PRKN: variants seen among roughly 807,000 people sequenced by gnomAD.
PRKN encodes parkin RBR E3 ubiquitin protein ligase, also known as E3 ubiquitin-protein ligase parkin.
A neutral mutation model predicts 59.5 loss-of-function variants in PRKN; 56 were observed. That is an observed-to-expected ratio of 0.94 (90% confidence interval 0.76 to 1.18). The LOEUF is 1.18. Ranked by LOEUF, PRKN falls within the 50% of genes most tolerant of loss-of-function variation. PRKN has a pLI of 0.00. For synonymous variants in PRKN, 250 were observed against 222.1 expected (o/e 1.13, Z -1.12); for missense variants, 657 against 596.4 (o/e 1.10, Z -1.06).
intron 1 of PRKN, among the ~76,000 whole-genome samples, chr6:162,492,742 G>A (rs533861428): frequency 1.2e-4 from 19 of 152,202 alleles, no homozygotes; most frequent in African/African-American, 4.1e-4. Context: ...AGGAGGTCAG[G>A]AGATCCAGAC....
chr6:161,718,003 G>A (rs1235562919), intron 7 of PRKN, among the ~76,000 whole-genome samples: 1 of 152,190 alleles, frequency 6.6e-6, no homozygotes, highest in African/African-American at 2.4e-5. Flanking sequence ...GGCAGAACGT[G>A]GGGAGAAACA....
chr6:161,991,110 G>GA (rs1176520398), intron 5 of PRKN, among the ~76,000 whole-genome samples: 2 of 152,112 alleles, frequency 1.3e-5, no homozygotes, highest in Admixed American at 1.3e-4. Flanking sequence ...AGTGCTGAAT[G>GA]AAAAAACATG....
At chr6:161,571,892 T>C (rs1044298157) in intron 7 of PRKN, among the ~76,000 whole-genome samples, 2 of 152,178 alleles carry the variant, frequency 1.3e-5, no homozygotes, top group Admixed American at 6.5e-5. Context: ...GAATGCTCTT[T>C]CTCTTCTAGA....
intron 2 of PRKN, among the ~76,000 whole-genome samples, chr6:162,412,891 C>G (rs539403646): frequency 1.3e-5 from 2 of 152,176 alleles, no homozygotes; most frequent in East Asian, 3.9e-4. Flanking sequence ...AAAAAAAGAG[C>G]CAACTTGTTT....
chr6:161,867,815 C>T (rs1473696261), intron 6 of PRKN, among the ~76,000 whole-genome samples: 1 of 151,870 alleles, frequency 6.6e-6, no homozygotes, highest in East Asian at 1.9e-4. Context: ...GGCTGGAGTG[C>T]AGCGGCACAA....
At chr6:162,284,194 T>C (rs1781060989) in intron 2 of PRKN, among the ~76,000 whole-genome samples, 1 of 151,018 alleles carries the variant, frequency 6.6e-6, no homozygotes, top group African/African-American at 2.4e-5. Context: ...TGGGTATATT[T>C]ATGTATTGTG....
chr6:161,378,349 C>T lies in PRKN; in HGVS notation c.1167+8445G>A, dbSNP rs561573106. ...TGGTGAGGTGAAGCCCTGCCAGGCC[C>T]CCCAGCTCGGGCATCCCCCCATCTG... On this transcript the variant is annotated intron_variant, in intron 10 of 11. Transcript: ENST00000366898. The surrounding 1 kb of genome is among the most constrained non-coding windows in gnomAD (Gnocchi z 7.3). Among the ~76,000 whole-genome samples the T allele has an allele frequency of 6.6e-6, 1 of 152,154 alleles. No homozygotes were observed. Among genetic ancestry groups the T allele is most frequent in the Non-Finnish European group, 1.5e-5 (1 of 68,036 alleles).
At chr6:161,928,621 A>C (rs1046613336) in intron 6 of PRKN, among the ~76,000 whole-genome samples, 3 of 152,234 alleles carry the variant, frequency 2.0e-5, no homozygotes, top group African/African-American at 7.2e-5. Flanking sequence ...ACATATAACA[A>C]GATACTATTT....
At chr6:162,647,101 G>A (rs1348007285) in intron 1 of PRKN, among the ~76,000 whole-genome samples, 1 of 151,948 alleles carries the variant, frequency 6.6e-6, no homozygotes, top group Non-Finnish European at 1.5e-5. Context: ...TTCCCTCTGA[G>A]CCCTCTCCAC....
At chr6:162,141,884 GGA>G (rs1781796031) in intron 4 of PRKN, among the ~76,000 whole-genome samples, 1 of 152,134 alleles carries the variant, frequency 6.6e-6, no homozygotes, top group Admixed American at 6.5e-5. Flanking sequence ...AGTCTAACCA[GGA>G]TTATTTGTGT....
In PRKN at chr6:161,538,441, TG is replaced by T. The variant is rs1779503105; in HGVS notation, c.1083+10412del. On this transcript the variant is annotated intron_variant, in intron 9 of 11. Transcript: ENST00000366898. The surrounding 1 kb of genome is among the most constrained non-coding windows in gnomAD (Gnocchi z 4.2). ...TGGACAGTGGGGACAAAGGCCTGTA[TG>T]GTAGGCTTGGATAGCTCTGCCAGGT... Among the ~76,000 whole-genome samples, 1 of 152,150 alleles carries T rather than the reference TG, an allele frequency of 6.6e-6. No homozygotes were observed.
At chr6:162,672,171 A>T (rs1483132817) in intron 1 of PRKN, among the ~76,000 whole-genome samples, 3 of 152,216 alleles carry the variant, frequency 2.0e-5, no homozygotes, top group Admixed American at 2.0e-4. Flanking sequence ...TAGCTCAAAA[A>T]AACAAAAAAT....
chr6:161,940,385 T>A (rs904618713), intron 6 of PRKN, among the ~76,000 whole-genome samples: 5 of 152,238 alleles, frequency 3.3e-5, no homozygotes, highest in Admixed American at 2.0e-4. Context: ...CACCTGTTAA[T>A]GGCTGGTGCC....
intron 6 of PRKN, among the ~76,000 whole-genome samples, chr6:161,907,064 T>G (rs1778178175): frequency 6.6e-6 from 1 of 152,174 alleles, no homozygotes; most frequent in Non-Finnish European, 1.5e-5. Flanking sequence ...AATGATACTT[T>G]GCATCCTTCA....
chr6:162,157,641 C>T (rs1465707973), intron 4 of PRKN, among the ~76,000 whole-genome samples: 1 of 151,760 alleles, frequency 6.6e-6, no homozygotes, highest in Non-Finnish European at 1.5e-5. Flanking sequence ...CAATTATACT[C>T]TTTCAGGATA....
intron 10 of PRKN, among the ~76,000 whole-genome samples, chr6:161,366,450 C>T (rs1236762838): frequency 2.6e-5 from 4 of 152,170 alleles, no homozygotes; most frequent in Non-Finnish European, 5.9e-5. Context: ...GAAAATACCC[C>T]AAACCCTAGG....
chr6:162,579,034 A>T (rs1435036512), intron 1 of PRKN, among the ~76,000 whole-genome samples: 1 of 152,206 alleles, frequency 6.6e-6, no homozygotes, highest in Non-Finnish European at 1.5e-5. Context: ...TCAGTCTACA[A>T]AACAATTTGA....
At chr6:161,692,561 AG>A (rs1785841196) in intron 7 of PRKN, among the ~76,000 whole-genome samples, 1 of 152,198 alleles carries the variant, frequency 6.6e-6, no homozygotes, top group Non-Finnish European at 1.5e-5. Flanking sequence ...TAGAAGTAAA[AG>A]CTTTCATCTT....
chr6:162,412,304 G>T (rs1788389901), intron 2 of PRKN, among the ~76,000 whole-genome samples: 1 of 152,050 alleles, frequency 6.6e-6, no homozygotes, highest in African/African-American at 2.4e-5. Context: ...CTAGAGCAAG[G>T]CTCAATCTAG....
Sources: allele counts gnomAD v4.1 joint callset (sites outside exome capture counted in the v4.1 genomes callset), GRCh38; gene constraint gnomAD v4.1.1; non-coding constraint Gnocchi (gnomAD v3.1); transcripts MANE v1.5; gene names NCBI Gene and HGNC (gene_info 2026-07-23, HGNC 2026-07-21).